PPP2R2B: variants seen among roughly 807,000 people sequenced by gnomAD.
PPP2R2B encodes the protein serine/threonine-protein phosphatase 2A 55 kDa regulatory subunit B beta isoform.
In PPP2R2B, 5 loss-of-function variants were observed where a neutral mutation model predicts 46.0. That is an observed-to-expected ratio of 0.11 (90% CI 0.06 to 0.23). PPP2R2B has a LOEUF of 0.23. Among genes scored for constraint, PPP2R2B ranks in the 10% least tolerant of loss-of-function variants. The pLI, the probability that PPP2R2B is intolerant of heterozygous loss-of-function variation, is 1.00. For missense variants in PPP2R2B, 367 were observed against 575.0 expected (o/e 0.64, Z 3.70); for synonymous variants, 215 against 206.7 (o/e 1.04, Z -0.34).
At chr5:146,760,140 T>G (rs1475421616) in intron 2 of PPP2R2B, among the ~76,000 whole-genome samples, 1 of 152,150 alleles carries the variant, frequency 6.6e-6, no homozygotes, top group Non-Finnish European at 1.5e-5. Context: ...ACGAATAAAT[T>G]CAGCTGTTGT....
intron 2 of PPP2R2B, among the ~76,000 whole-genome samples, chr5:146,784,743 G>T (rs1402975753): frequency 1.3e-5 from 2 of 152,088 alleles, no homozygotes; most frequent in African/African-American, 4.8e-5. Context: ...TTAAAACATT[G>T]TCCATTTTTC....
At chr5:146,720,689 TTTA>T (rs754076072) in intron 2 of PPP2R2B, among the ~76,000 whole-genome samples, 2 of 152,170 alleles carry the variant, frequency 1.3e-5, no homozygotes, top group African/African-American at 2.4e-5. Context: ...TTATTAAGGT[TTTA>T]TTAAGGACTT....
At chr5:146,620,800 C>A (rs1414232025) in intron 7 of PPP2R2B, among the ~76,000 whole-genome samples, 1 of 152,166 alleles carries the variant, frequency 6.6e-6, no homozygotes, top group Non-Finnish European at 1.5e-5. Context: ...CAACAGGTAG[C>A]TTTGTGCAGT....
intron 1 of PPP2R2B, among the ~76,000 whole-genome samples, chr5:146,990,260 C>T (rs1753635660): frequency 6.6e-6 from 1 of 151,396 alleles, no homozygotes. Flanking sequence ...TGCAAAAGAC[C>T]CTGAATTACC....
chr5:146,759,929 T>G (rs372402821), intron 2 of PPP2R2B, among the ~76,000 whole-genome samples: 83 of 152,312 alleles, frequency 5.4e-4, no homozygotes, highest in Non-Finnish European at 9.7e-4. Context: ...GTGCCAATAG[T>G]GTATTACAAT....
At chr5:146,617,189 G>GAGAT (rs1203521614) in intron 7 of PPP2R2B, among the ~76,000 whole-genome samples, 4 of 152,126 alleles carry the variant, frequency 2.6e-5, no homozygotes, top group African/African-American at 9.7e-5. Flanking sequence ...TGAGTTCATG[G>GAGAT]AGATAGAGAG....
intron 7 of PPP2R2B, among the ~76,000 whole-genome samples, chr5:146,622,387 G>A (rs1052509875): frequency 6.6e-6 from 1 of 152,158 alleles, no homozygotes; most frequent in Non-Finnish European, 1.5e-5. Context: ...ATACTTAGCT[G>A]TACAGAGGGT....
At chr5:146,916,302 T>TC (rs1458634659) in intron 1 of PPP2R2B, among the ~76,000 whole-genome samples, 1 of 151,896 alleles carries the variant, frequency 6.6e-6, no homozygotes, top group African/African-American at 2.4e-5. Context: ...CGTTTTTTTT[T>TC]TTTTTGACGA....
At chr5:146,866,312 C>T (rs17105550) in intron 2 of PPP2R2B, among the ~76,000 whole-genome samples, 1,661 of 152,228 alleles carry the variant, frequency 0.011, 29 homozygotes, top group African/African-American at 0.036. Flanking sequence ...TTGTATTGTA[C>T]GTCAGTTTGC....
At chr5:146,731,538 A>G (rs182146458) in intron 2 of PPP2R2B, among the ~76,000 whole-genome samples, 29 of 152,322 alleles carry the variant, frequency 1.9e-4, no homozygotes, top group Middle Eastern at 3.4e-3. Context: ...CGTAGAGTTT[A>G]ACTGACTAAT....
chr5:146,927,837 G>T (rs368629830), intron 1 of PPP2R2B, among the ~76,000 whole-genome samples: 4 of 151,754 alleles, frequency 2.6e-5, no homozygotes, highest in African/African-American at 9.7e-5. Flanking sequence ...GGGTTCAAGC[G>T]ATTCTCCTGC....
intron 7 of PPP2R2B, among the ~76,000 whole-genome samples, chr5:146,626,003 A>AG (rs752870666): frequency 1.3e-5 from 2 of 152,354 alleles, no homozygotes; most frequent in Non-Finnish European, 2.9e-5. Context: ...GAAGAAATTG[A>AG]GGAAACATTC....
chr5:146,838,741 G>A (rs1018796207), intron 2 of PPP2R2B, among the ~76,000 whole-genome samples: 2 of 152,100 alleles, frequency 1.3e-5, no homozygotes, highest in Non-Finnish European at 1.5e-5. Context: ...TAATAGGTAC[G>A]AATTTGTCCA....
intron 2 of PPP2R2B, among the ~76,000 whole-genome samples, chr5:146,858,013 C>T (rs1217650123): frequency 6.6e-6 from 1 of 152,194 alleles, no homozygotes; most frequent in African/African-American, 2.4e-5. Flanking sequence ...AATAAAAATA[C>T]AGCTTAACAT....
chr5:146,793,873 A>T (rs1192780680), intron 2 of PPP2R2B, among the ~76,000 whole-genome samples: 1 of 152,232 alleles, frequency 6.6e-6, no homozygotes, highest in African/African-American at 2.4e-5. Flanking sequence ...GGGCTGAGGT[A>T]TCTAAACACA....
At chr5:146,687,537 C>A (rs1361632075) in intron 5 of PPP2R2B, among the ~76,000 whole-genome samples, 1 of 152,150 alleles carries the variant, frequency 6.6e-6, no homozygotes, top group Non-Finnish European at 1.5e-5. Context: ...TCCTGCCCTC[C>A]TCATTGGCTA....
chr5:146,741,558 G>A (rs2151221127), intron 2 of PPP2R2B, among the ~76,000 whole-genome samples: 1 of 152,202 alleles, frequency 6.6e-6, no homozygotes, highest in South Asian at 2.1e-4. Context: ...CAGGGCAAAT[G>A]GGAATCCATA....
At chr5:146,986,165 C>T (rs1753420719) in intron 1 of PPP2R2B, among the ~76,000 whole-genome samples, 2 of 152,144 alleles carry the variant, frequency 1.3e-5, no homozygotes, top group Admixed American at 1.3e-4. Context: ...CACTGCTCCC[C>T]CAAACTTGGG....
At chr5:146,970,206 A>G (rs1326397834) in intron 1 of PPP2R2B, among the ~76,000 whole-genome samples, 1 of 152,160 alleles carries the variant, frequency 6.6e-6, no homozygotes, top group African/African-American at 2.4e-5. Context: ...AAGGCTGCAC[A>G]GTAAGTGGCA....
Sources: allele counts gnomAD v4.1 joint callset (sites outside exome capture counted in the v4.1 genomes callset), GRCh38; gene constraint gnomAD v4.1.1; transcripts MANE v1.5; gene names NCBI Gene and HGNC (gene_info 2026-07-23, HGNC 2026-07-21).